SLA: variants seen among roughly 807,000 people sequenced by gnomAD.
SLA encodes src-like-adapter.
SLA carries 16 observed loss-of-function variants against 30.3 expected under a neutral mutation model. That is an observed-to-expected ratio of 0.53 (90% CI 0.36 to 0.80). The LOEUF (loss-of-function observed/expected upper bound fraction) is 0.80. SLA is among the 30% of genes least tolerant of loss of function. The pLI, the probability that SLA is intolerant of heterozygous loss-of-function variation, is 0.01. For missense variants in SLA, 310 were observed against 345.2 expected (o/e 0.90, Z 0.81); for synonymous variants, 143 against 137.8 (o/e 1.04, Z -0.26).
chr8:133,064,933 C>T (rs537208082), intron 2 of SLA, among the ~76,000 whole-genome samples: 5 of 152,216 alleles, frequency 3.3e-5, no homozygotes, highest in African/African-American at 1.2e-4. Context: ...TGAGGAAGTC[C>T]AACCAAGGGA....
chr8:133,070,010 A>G (rs1431003418), intron 2 of SLA, among the ~76,000 whole-genome samples: 5 of 118,554 alleles, frequency 4.2e-5, no homozygotes, highest in Non-Finnish European at 9.5e-5. Flanking sequence ...CCAAAAAAAA[A>G]AAAAAAAAAA....
intron 1 of SLA, chr8:133,087,819 A>G (rs1177438024): frequency 6.6e-6 from 1 of 152,160 alleles, no homozygotes; most frequent in Admixed American, 6.5e-5. Context: ...GATGCCTGTG[A>G]ATGTCACGTG....
chr8:133,069,306 G>T (rs771344359), intron 2 of SLA, among the ~76,000 whole-genome samples: 26 of 152,190 alleles, frequency 1.7e-4, no homozygotes, highest in Non-Finnish European at 2.9e-4. Flanking sequence ...AGCAAGATGG[G>T]AATCAGCATT....
At chr8:133,088,270 TC>T (rs1274736267) in intron 1 of SLA, among the ~76,000 whole-genome samples, 2 of 152,156 alleles carry the variant, frequency 1.3e-5, no homozygotes. Flanking sequence ...CTCCTCCTCC[TC>T]CTCCTCCTCT....
chr8:133,060,228 G>A, intron 2 of SLA, 28 bp from the exon 3 acceptor site: 2 of 1,613,054 alleles, frequency 1.2e-6, no homozygotes, highest in Non-Finnish European at 1.7e-6. Context: ...GACGGGGAAA[G>A]TCAACCGTGC....
chr8:133,067,776 TAGAAAGAAAGAAAGAAAA>T (rs1189458283), intron 2 of SLA, among the ~76,000 whole-genome samples: 8 of 140,916 alleles, frequency 5.7e-5, no homozygotes, highest in Non-Finnish European at 1.2e-4. Context: ...AGACTCCATC[TAGAAAGAAAGAAAGAAAA>T]AGAAAGAAAG....
chr8:133,050,768 A>G (rs1172324632), intron 4 of SLA, 48 bp downstream of exon 4: 8 of 1,227,364 alleles, frequency 6.5e-6, no homozygotes, highest in Non-Finnish European at 8.5e-6. Flanking sequence ...TCCCAAACCA[A>G]GTTTATCCTG....
Position 133,050,852 on chromosome 8 carries a change from A to G in SLA, c.125T>C (p.Ile42Thr). ...ACGCAGTTTCTCCCCTCGGCGGAATATCGGGGGGCTGATGTCAGGAGACGG... is the reference window on the plus strand; with the variant it reads ...ACGCAGTTTCTCCCCTCGGCGGAATGTCGGGGGGCTGATGTCAGGAGACGG... Reference protein sequence around the residue: ...DYPSPDISPPIFRRGEKLRVI... With the variant: ...DYPSPDISPPTFRRGEKLRVI... Residue 42 changes from isoleucine (I) to threonine (T), a missense_variant, in exon 4 of 9, where the codon ATA becomes ACA. Transcript: ENST00000338087. 2 of 1,613,448 alleles carry G rather than the reference A, an allele frequency of 1.2e-6. No homozygotes were observed. Among genetic ancestry groups the G allele is most frequent in the Non-Finnish European group, 1.7e-6 (2 of 1,179,344 alleles).
chr8:133,087,297 G>T (rs948722840), intron 1 of SLA, among the ~76,000 whole-genome samples: 1 of 152,150 alleles, frequency 6.6e-6, no homozygotes, highest in African/African-American at 2.4e-5. Flanking sequence ...ATAAGCTAAG[G>T]TCGCACTGAT....
At chr8:133,083,837 A>G (rs146118639) in intron 1 of SLA, among the ~76,000 whole-genome samples, 12 of 152,278 alleles carry the variant, frequency 7.9e-5, no homozygotes, top group Middle Eastern at 3.4e-3. Context: ...TGCCCCGTCC[A>G]GGTTCTAGTG....
At chr8:133,039,773 G>A (rs1368820671) in intron 8 of SLA, among the ~76,000 whole-genome samples, 1 of 152,184 alleles carries the variant, frequency 6.6e-6, no homozygotes, top group African/African-American at 2.4e-5. Flanking sequence ...AGAAACAGGG[G>A]GAGCTGCCAC....
In SLA at chr8:133,083,138, T is replaced by A. The variant is rs1177638278; in HGVS notation, c.-318-8008A>T. Among the ~76,000 whole-genome samples the A allele has an allele frequency of 2.6e-5, 4 of 152,172 alleles. No homozygotes were observed. In the East Asian group the frequency reaches 7.7e-4, roughly 29 times the overall value. ...TTAGGCTGGAAAATTTTATTTTTGT[T>A]TGAGTAGCAATAATAAATAATTATA... On this transcript the variant is annotated intron_variant, in intron 1 of 8. Transcript: ENST00000338087.
chr8:133,090,745 G>C (rs1847373817), intron 1 of SLA, among the ~76,000 whole-genome samples: 1 of 152,130 alleles, frequency 6.6e-6, no homozygotes, highest in East Asian at 1.9e-4. Flanking sequence ...CATTTTACAG[G>C]TTAGGAACTG....
At chr8:133,075,439 A>G (rs1441660179) in intron 1 of SLA, among the ~76,000 whole-genome samples, 1 of 152,202 alleles carries the variant, frequency 6.6e-6, no homozygotes, top group African/African-American at 2.4e-5. Context: ...CTTGGTGCCA[A>G]TGTGTGCGTC....
At chr8:133,041,191 G>T (rs564227855) in intron 7 of SLA, among the ~76,000 whole-genome samples, 48 of 152,338 alleles carry the variant, frequency 3.2e-4, no homozygotes, top group African/African-American at 1.1e-3. Flanking sequence ...CTCCGGCAGG[G>T]CTAAGCCACC....
Position 133,050,907 on chromosome 8 carries a change from T to G in SLA, c.70A>C (p.Ser24Arg). ...TCACTTAGCACGGCAAGGAAGTCGC[T>G]ATCCAGTCCTGGGGAAACAAAGGCA... ...RPLPNPEGLDSDFLAVLSDYP... is the reference protein window; with the variant it reads ...RPLPNPEGLDRDFLAVLSDYP... The change falls in exon 4 of 9, where the codon AGC (serine) becomes CGC (arginine). Residue 24 changes from serine to arginine, a missense_variant. Coordinates refer to ENST00000338087, the MANE Select transcript of SLA (RefSeq NM_001045556.3). The G allele has an allele frequency of 6.2e-7, 1 of 1,611,218 alleles. No individual in the cohort carries two copies. Among genetic ancestry groups the G allele is most frequent in the Non-Finnish European group, 8.5e-7 (1 of 1,177,452 alleles).
chr8:133,087,077 C>T (rs1846689486), intron 1 of SLA, among the ~76,000 whole-genome samples: 1 of 5,088 alleles, frequency 2.0e-4, no homozygotes, highest in African/African-American at 6.9e-4. Flanking sequence ...TGTTTACACA[C>T]ACACACACAC....
chr8:133,046,019 G>T (rs944854126), intron 6 of SLA, among the ~76,000 whole-genome samples: 4 of 152,192 alleles, frequency 2.6e-5, no homozygotes, highest in African/African-American at 9.7e-5. Context: ...TAAGAACCAC[G>T]TGAAAGGCGG....
At chr8:133,062,347 T>C (rs1842484084) in intron 2 of SLA, among the ~76,000 whole-genome samples, 1 of 152,204 alleles carries the variant, frequency 6.6e-6, no homozygotes, top group Non-Finnish European at 1.5e-5. Context: ...TGGCCTTGTC[T>C]CCATTCCTGA....
Sources: allele counts gnomAD v4.1 joint callset (sites outside exome capture counted in the v4.1 genomes callset), GRCh38; gene constraint gnomAD v4.1.1; transcripts MANE v1.5; gene names NCBI Gene and HGNC (gene_info 2026-07-23, HGNC 2026-07-21).